Variants in PCDHAC1 observed in about 807,000 individuals in gnomAD.
The protein encoded by PCDHAC1 is protocadherin alpha subfamily C, 1, also known as protocadherin alpha-C1.
Under a neutral mutation model 60.0 loss-of-function variants are expected in PCDHAC1, and 42 were observed. The ratio of observed to expected loss-of-function variants is 0.70; its 90% CI spans 0.55 to 0.90. The LOEUF is 0.90. Among genes scored for constraint, PCDHAC1 ranks in the 40% least tolerant of loss-of-function variants. The probability of loss-of-function intolerance (pLI) is 0.00; values close to 1 mark genes in which losing one functional copy is unlikely to be tolerated. For missense variants in PCDHAC1, 1,160 were observed against 1,222.3 expected, an observed-to-expected ratio of 0.95 and a Z score of 0.76; for synonymous variants, 468 against 499.3, an observed-to-expected ratio of 0.94 and a Z score of 0.84.
At chr5:140,945,641 C>T (rs1253716354) in intron 1 of PCDHAC1, among the ~76,000 whole-genome samples, 3 of 151,972 alleles carry the variant, frequency 2.0e-5, no homozygotes, top group Non-Finnish European at 2.9e-5. Context: ...GACATGTAGA[C>T]CAATGGAGCA....
chr5:140,946,631 T>TATATATATATATATATATAC lies in PCDHAC1; in HGVS notation c.2433+17307_2433+17308insTATATATATATATATATACA, dbSNP rs57893927. ...TGTGAAATATATATATATATATATA[T>TATATATATATATATATATAC]ACAATGGAATACTCATCAGCCATTA... On this transcript the variant is annotated intron_variant, in intron 1 of 3. Transcript: ENST00000253807. Among the ~76,000 whole-genome samples, 543 of 131,742 alleles carry TATATATATATATATATATAC rather than the reference T, an allele frequency of 4.1e-3. 35 individuals are homozygous for TATATATATATATATATATAC. Among genetic ancestry groups the TATATATATATATATATATAC allele is most frequent in the African/African-American group, 0.018 (501 of 28,614 alleles). The allele number at this position is 131,742 out of a possible 152,430, so 86.4% of individuals were successfully genotyped here.
At chr5:140,968,673 A>G in intron 1 of PCDHAC1, 2 of 1,614,168 alleles carry the variant, frequency 1.2e-6, no homozygotes, top group Non-Finnish European at 1.7e-6. Context: ...TTTAAGGTAG[A>G]GCTGCACACA....
chr5:140,952,913 A>G (rs1013502361), intron 1 of PCDHAC1, among the ~76,000 whole-genome samples: 6 of 152,092 alleles, frequency 3.9e-5, no homozygotes, highest in African/African-American at 1.4e-4. Flanking sequence ...CTCATCTTAC[A>G]TGGCATGAGC....
At chr5:140,929,503 G>A in intron 1 of PCDHAC1, 178 bp downstream of exon 1, 1 of 886,378 alleles carries the variant, frequency 1.1e-6, no homozygotes, top group Non-Finnish European at 1.6e-6. Context: ...ATTGCCCTAG[G>A]CCTCAAGGGA....
intron 1 of PCDHAC1, among the ~76,000 whole-genome samples, chr5:140,973,003 C>T (rs1417207719): frequency 4.0e-5 from 6 of 151,856 alleles, no homozygotes; most frequent in African/African-American, 7.3e-5. Flanking sequence ...CATTTGTGGT[C>T]GTGGTGTTGT....
At chr5:141,002,220 G>A (rs2098065627) in intron 3 of PCDHAC1, among the ~76,000 whole-genome samples, 1 of 152,196 alleles carries the variant, frequency 6.6e-6, no homozygotes. Context: ...TCAAAATGAT[G>A]GGTTTTCTGG....
chr5:141,006,507 C>T (rs2098276539), intron 3 of PCDHAC1, among the ~76,000 whole-genome samples: 1 of 152,156 alleles, frequency 6.6e-6, no homozygotes, highest in Admixed American at 6.5e-5. Flanking sequence ...GCCACCGCGC[C>T]TGGCTGTTAT....
chr5:140,933,314 G>C (rs925777839), intron 1 of PCDHAC1, among the ~76,000 whole-genome samples: 1 of 151,914 alleles, frequency 6.6e-6, no homozygotes, highest in African/African-American at 2.4e-5. Context: ...ATGCAATCTC[G>C]TATTCTCCTG....
chr5:140,983,282 G>A (rs1030439196), intron 3 of PCDHAC1, among the ~76,000 whole-genome samples: 1 of 152,152 alleles, frequency 6.6e-6, no homozygotes, highest in Non-Finnish European at 1.5e-5. Context: ...GTGAGTATAG[G>A]AAAATTGCTT....
intron 1 of PCDHAC1, chr5:140,966,564 T>A (rs1342180377): frequency 2.0e-6 from 1 of 488,548 alleles, no homozygotes; most frequent in Non-Finnish European, 3.4e-6. Context: ...GGAGCTGGAA[T>A]ATGGGGAGTC....
chr5:140,993,368 T>A (rs1354951477), intron 3 of PCDHAC1, among the ~76,000 whole-genome samples: 2 of 151,944 alleles, frequency 1.3e-5, no homozygotes, highest in Middle Eastern at 6.8e-3. Flanking sequence ...AAAAACTACC[T>A]CCCAGCCGGG....
chr5:140,993,363 C>T (rs925225156), intron 3 of PCDHAC1, among the ~76,000 whole-genome samples: 1 of 151,918 alleles, frequency 6.6e-6, no homozygotes, highest in Non-Finnish European at 1.5e-5. Context: ...CTCACAAAAA[C>T]TACCTCCCAG....
intron 1 of PCDHAC1, chr5:140,967,979 G>A (rs1405177525): frequency 1.2e-6 from 2 of 1,614,100 alleles, no homozygotes; most frequent in African/African-American, 1.3e-5. Flanking sequence ...CCTGGGTCTG[G>A]AGGCCACACT....
Position 140,978,929 on chromosome 5 carries a change from C to T in PCDHAC1, c.2434-20C>T. 6.2e-7 allele frequency: 1 copy of T among 1,613,998 alleles called. No homozygotes were observed. Among genetic ancestry groups the T allele is most frequent in the Non-Finnish European group, 8.5e-7 (1 of 1,179,996 alleles). On this transcript the variant is annotated intron_variant, in intron 1 of 3. Coordinates refer to ENST00000253807, the MANE Select transcript of PCDHAC1 (RefSeq NM_018898.5). ...ATTGTCTTGTCATTTTAACAGAAAACTCTCTTTGTGATTTTGCAGCCACGA... is the reference window on the plus strand; with the variant it reads ...ATTGTCTTGTCATTTTAACAGAAAATTCTCTTTGTGATTTTGCAGCCACGA...
chr5:140,984,882 A>G (rs1456658089), intron 3 of PCDHAC1, among the ~76,000 whole-genome samples: 3 of 152,150 alleles, frequency 2.0e-5, no homozygotes, highest in African/African-American at 7.2e-5. Context: ...AGTTACCATG[A>G]GAACTAAAGG....
chr5:140,968,807 G>C (rs1327580375), intron 1 of PCDHAC1: 1 of 1,614,178 alleles, frequency 6.2e-7, no homozygotes, highest in Non-Finnish European at 8.5e-7. Flanking sequence ...AGTAGCTGTG[G>C]TGGATAGGGT....
chr5:140,970,527 ATG>A (rs1270257257), intron 1 of PCDHAC1, among the ~76,000 whole-genome samples: 2 of 151,436 alleles, frequency 1.3e-5, no homozygotes, highest in African/African-American at 4.9e-5. Context: ...GTAGATGAAT[ATG>A]TGTGTGTGTT....
Position 140,956,847 on chromosome 5 carries a change from T to G in PCDHAC1, c.2434-22102T>G, listed in dbSNP as rs138847680. Among the ~76,000 whole-genome samples the G allele has an allele frequency of 1.6e-4, 24 of 152,262 alleles. 1 individual carries two copies. The East Asian group carries it at 4.6e-3, about 29-fold the overall frequency. ...AATTTAATATTTTTAAATCTTGGGT[T>G]AAATGGTTGAATGAATGTGTGAAAA... On this transcript the variant is annotated intron_variant, in intron 1 of 3. Transcript: ENST00000253807.
rs1554205732 is a variant in PCDHAC1, at chr5:140,928,309, G to A, written c.1417G>A (p.Asp473Asn). 1 of 1,614,122 alleles carries A rather than the reference G, an allele frequency of 6.2e-7. No individual in the cohort carries two copies. The highest frequency in any genetic ancestry group is 8.5e-7 in the Non-Finnish European group (1 of 1,180,038). The stretch of plus-strand genomic sequence containing the variant: ...AGGCCGAGTGTTTGCCCAGGACCCC[G>A]ACCTGGGGAAGAATGGCCTTGTCTC... ...SLGRVFAQDP[D>N]LGKNGLVSYE... The change falls in exon 1 of 4, where the codon GAC becomes AAC. Residue 473 changes from aspartate (D) to asparagine (N), a missense_variant. Physicochemically the swap from Asp to Asn is conservative, Grantham distance 23 (BLOSUM62 1). Coordinates refer to ENST00000253807, the MANE Select transcript of PCDHAC1 (RefSeq NM_018898.5).
Sources: gnomAD v4.1 joint callset for allele counts (sites outside exome capture counted in the v4.1 genomes callset) on GRCh38, gnomAD v4.1.1 for gene constraint, MANE v1.5 for transcripts, NCBI Gene and HGNC (gene_info 2026-07-23, HGNC 2026-07-21) for gene names.